RGS3: variants seen among roughly 807,000 people sequenced by gnomAD.
RGS3 encodes regulator of G-protein signalling 3.
In RGS3, 80 loss-of-function variants were observed where a neutral mutation model predicts 132.6. The ratio of observed to expected loss-of-function variants is 0.60; its 90% CI spans 0.50 to 0.73. RGS3 has a LOEUF of 0.73. RGS3 is among the 30% of genes least tolerant of loss of function. The probability of loss-of-function intolerance (pLI) is 0.00; values close to 1 mark genes in which losing one functional copy is unlikely to be tolerated. For synonymous variants in RGS3, 598 were observed against 620.6 expected (o/e 0.96, Z 0.54); for missense variants, 1,382 against 1,530.8 (o/e 0.90, Z 1.62).
Position 113,464,019 on chromosome 9 carries a change from T to C in RGS3, c.415+1818T>C, listed in dbSNP as rs915969565. On this transcript the variant is annotated intron_variant, in intron 3 of 24. Coordinates refer to ENST00000350696, the Ensembl canonical transcript of RGS3. ...AGGGGCACCTTCTCTGGCCCCTTTC[T>C]CCTGTGACTGCCCAGGAGGGGCTCA... The C allele has an allele frequency of 1.0e-5, 9 of 867,428 alleles. No individual in the cohort carries two copies. The African/African-American group carries it at 1.6e-4, about 15-fold the overall frequency. 53.7% of individuals were successfully genotyped at this position (867,428 alleles called of 1,614,324 possible). A position where few individuals can be genotyped will look rare whatever the true frequency, so the allele number is the denominator to read the frequency against.
chr9:113,547,441 G>A (rs1227320017), intron 19 of RGS3, among the ~76,000 whole-genome samples: 2 of 152,182 alleles, frequency 1.3e-5, no homozygotes, highest in Non-Finnish European at 2.9e-5. Flanking sequence ...TTGGAGGCCA[G>A]CACAAGACGG....
intron 19 of RGS3, among the ~76,000 whole-genome samples, chr9:113,575,796 T>A (rs930520422): frequency 2.6e-5 from 4 of 152,166 alleles, no homozygotes; most frequent in African/African-American, 9.7e-5. Context: ...AGGTCTTAGA[T>A]TGGGTCCAGA....
intron 21 of RGS3, chr9:113,593,882 A>G: frequency 6.4e-7 from 1 of 1,555,140 alleles, no homozygotes; most frequent in Non-Finnish European, 8.7e-7. Context: ...CAATTTGCTG[A>G]CTTGTCCCCC....
chr9:113,513,065 G>A (rs1831475450), intron 14 of RGS3, among the ~76,000 whole-genome samples: 1 of 152,086 alleles, frequency 6.6e-6, no homozygotes, highest in African/African-American at 2.4e-5. Flanking sequence ...GCGTGGTGGT[G>A]CATGCCTGTA....
At chr9:113,551,901 T>C (rs895018244) in intron 19 of RGS3, among the ~76,000 whole-genome samples, 2 of 152,294 alleles carry the variant, frequency 1.3e-5, no homozygotes, top group Middle Eastern at 6.8e-3. Context: ...TGTAGCATTC[T>C]ACTTTCCTAC....
chr9:113,507,252 G>A lies in RGS3; in HGVS notation c.1086-35G>A, dbSNP rs1831169825. On this transcript the variant is annotated intron_variant, in intron 12 of 24. Transcript: ENST00000350696. This position sits in a 1 kb window ranked among gnomAD's most constrained non-coding sequence, Gnocchi z 5.0. ...CTCTGGCTGATACTGGCTTTCCCCAGGCTCAACCTGTCTGTGTGATCCCCC... is the reference window on the plus strand; with the variant it reads ...CTCTGGCTGATACTGGCTTTCCCCAAGCTCAACCTGTCTGTGTGATCCCCC... The A allele has an allele frequency of 3.9e-6, 6 of 1,554,148 alleles. No homozygotes were observed. In the East Asian group the frequency reaches 1.4e-4, roughly 35 times the overall value.
chr9:113,529,143 C>A (rs147209049), intron 17 of RGS3, 78 bp from the exon 16 acceptor site: 4 of 1,117,728 alleles, frequency 3.6e-6, no homozygotes, highest in African/African-American at 3.1e-5. Context: ...CTGGGCAAGA[C>A]AGCTGACTGT....
At chr9:113,505,450 C>A (rs764614468) in exon 11 of RGS3, 9 of 1,613,976 alleles carry the variant, frequency 5.6e-6, no homozygotes, top group African/African-American at 1.3e-5. Context: ...AGATCACCAT[C>A]CCGAGGGGAA....
At chr9:113,469,099 G>A (rs1340924671) in intron 3 of RGS3, among the ~76,000 whole-genome samples, 1 of 143,964 alleles carries the variant, frequency 6.9e-6, no homozygotes, top group Non-Finnish European at 1.5e-5. Flanking sequence ...AATGTTAGCT[G>A]GGGCCTGTTT....
intron 1 of RGS3, among the ~76,000 whole-genome samples, chr9:113,447,329 G>GTATATATATATATA (rs60991619): frequency 0.042 from 1,140 of 27,264 alleles, 180 homozygotes; most frequent in East Asian, 0.053. Flanking sequence ...GTATGTATAT[G>GTATATATATATATA]TATATATATA....
chr9:113,458,715 G>A (rs916702497), upstream of RGS3, among the ~76,000 whole-genome samples: 7 of 151,890 alleles, frequency 4.6e-5, no homozygotes, highest in East Asian at 1.9e-4. Flanking sequence ...GCCTAGTTTC[G>A]CCACATTTTA....
chr9:113,512,496 G>C (rs936054486), intron 14 of RGS3, among the ~76,000 whole-genome samples: 2 of 152,156 alleles, frequency 1.3e-5, no homozygotes, highest in African/African-American at 2.4e-5. Context: ...AGGGGCACGG[G>C]GGGAGTCAAC....
intron 19 of RGS3, among the ~76,000 whole-genome samples, chr9:113,566,236 GA>G (rs1418709641): frequency 6.6e-6 from 1 of 152,146 alleles, no homozygotes; most frequent in Admixed American, 6.5e-5. Context: ...GGCCTCTGCT[GA>G]AACGTCCACT....
intron 24 of RGS3, among the ~76,000 whole-genome samples, 182 bp from the exon 23 acceptor site, chr9:113,596,586 C>A (rs765955684): frequency 2.0e-5 from 3 of 152,176 alleles, no homozygotes; most frequent in Non-Finnish European, 2.9e-5. Flanking sequence ...GCCAGCCCTA[C>A]AGGAAATGAC....
exon 7 of RGS3, chr9:113,485,686 C>A: frequency 6.3e-7 from 1 of 1,589,950 alleles, no homozygotes; most frequent in South Asian, 1.2e-5. Context: ...CAGGGCCAGC[C>A]AGTCCAGGTG....
intron 18 of RGS3, among the ~76,000 whole-genome samples, chr9:113,530,699 G>T (rs568208110): frequency 6.6e-6 from 1 of 152,214 alleles, no homozygotes; most frequent in Middle Eastern, 3.2e-3. Context: ...GATCTGTGAC[G>T]TGCTGGCTTC....
exon 16 of RGS3, chr9:113,517,585 G>A (rs768241311): frequency 6.2e-6 from 10 of 1,613,620 alleles, no homozygotes; most frequent in Non-Finnish European, 8.5e-6. Flanking sequence ...TGCTGTCAGA[G>A]GAGCTGCTGC....
intron 10 of RGS3, among the ~76,000 whole-genome samples, chr9:113,504,426 A>G (rs915936282): frequency 1.3e-5 from 2 of 152,082 alleles, no homozygotes; most frequent in Non-Finnish European, 2.9e-5. Context: ...ACCACCCTAC[A>G]TCCTCCTGTG....
chr9:113,512,167 C>G (rs1408802562), intron 14 of RGS3, among the ~76,000 whole-genome samples: 1 of 152,180 alleles, frequency 6.6e-6, no homozygotes, highest in Non-Finnish European at 1.5e-5. Context: ...CACAGACTGT[C>G]TCTGACTTGG....
Sources: gnomAD v4.1 joint callset for allele counts (sites outside exome capture counted in the v4.1 genomes callset) on GRCh38, gnomAD v4.1.1 for gene constraint, Gnocchi (gnomAD v3.1) non-coding constraint, MANE v1.5 for transcripts, NCBI Gene and HGNC (gene_info 2026-07-23, HGNC 2026-07-21) for gene names.